The following MKRN2 variants were observed in gnomAD, a reference collection of about 807,000 sequenced individuals.
MKRN2 encodes E3 ubiquitin-protein ligase makorin-2.
A neutral mutation model predicts 45.4 loss-of-function variants in MKRN2; 32 were observed. The observed-to-expected ratio is 0.70, with a 90% CI of 0.53 to 0.95. The LOEUF (loss-of-function observed/expected upper bound fraction) is 0.95. Ranked by LOEUF, MKRN2 falls within the 40% of genes least tolerant of loss-of-function variation. The pLI is 0.00. For missense variants in MKRN2, 526 were observed against 536.7 expected (o/e 0.98, Z 0.20); for synonymous variants, 206 against 192.4 (o/e 1.07, Z -0.59).
intron 6 of MKRN2, among the ~76,000 whole-genome samples, chr3:12,580,446 C>T (rs1396668441): frequency 7.2e-6 from 1 of 138,722 alleles, no homozygotes; most frequent in East Asian, 2.2e-4. Flanking sequence ...TCCCCCCACC[C>T]TACCCCCCCG....
rs74405664 is a variant in MKRN2 at position 12,571,528 on chromosome 3, G to A, written c.338-541G>A. Among the ~76,000 whole-genome samples the A allele has an allele frequency of 7.3e-3, 1,117 of 152,274 alleles. 10 individuals are homozygous for A. Among genetic ancestry groups the A allele is most frequent in the African/African-American group, 0.026 (1,079 of 41,538 alleles). On this transcript the variant is annotated intron_variant, in intron 3 of 7. Transcript: ENST00000170447. ...CAAATGAGTAATCCTGTGAGAATAC[G>A]TGACCTCTAAACAAGCTCGGAGGTG...
rs35014192 is a variant in MKRN2, at chr3:12,581,787, CT to C, written c.969-16del. On this transcript the variant is annotated intron_variant, in intron 6 of 7. Transcript: ENST00000170447. ...CCTCATTTTCCCACCAGCCTCTTGA[CT>C]TTTTCTTTCTGCTTTTCAGGAAAAA... The C allele has an allele frequency of 1.2e-6, 2 of 1,612,868 alleles. No homozygotes were observed. Among genetic ancestry groups the C allele is most frequent in the Non-Finnish European group, 1.7e-6 (2 of 1,179,460 alleles).
rs2058200750 is a variant in MKRN2, at chr3:12,583,251, T to TGAA, written c.*1000_*1002dup. ...GTCTTGTAGTCATTTTGATTTTAAT[T>TGAA]GAAGGGTGAGCATAACCTTGTGAAC... On this transcript the variant is annotated 3_prime_UTR_variant, in exon 8 of 8. Coordinates refer to ENST00000170447, the MANE Select transcript of MKRN2 (RefSeq NM_014160.5). 2 of 152,466 alleles carry TGAA rather than the reference T, an allele frequency of 1.3e-5. No homozygotes were observed. Among genetic ancestry groups the TGAA allele is most frequent in the South Asian group, 4.1e-4 (2 of 4,830 alleles). The allele number at this position is 152,466 out of a possible 1,614,324, so 9.4% of individuals were successfully genotyped here. A position where few individuals can be genotyped will look rare whatever the true frequency, so the allele number is the denominator to read the frequency against.
rs5746252 is a variant in MKRN2, at chr3:12,583,477, T to G, written c.*1224T>G. ...AGAGTACAAAGGTTAAATTACAAAT[T>G]CATTCCCAGCCTAGGCTCTGGGCAC... On this transcript the variant is annotated 3_prime_UTR_variant, in exon 8 of 8. Coordinates refer to ENST00000170447, the MANE Select transcript of MKRN2 (RefSeq NM_014160.5). 0.015 allele frequency: 3,132 copies of G among 202,348 alleles called. 94 individuals are homozygous for G. The highest frequency in any genetic ancestry group is 0.067 in the African/African-American group (2,914 of 43,696). The allele number at this position is 202,348 out of a possible 1,614,324, so 12.5% of individuals were successfully genotyped here. A position where few individuals can be genotyped will look rare whatever the true frequency, so the allele number is the denominator to read the frequency against.
rs557967797 is a variant in MKRN2 at position 12,583,344 on chromosome 3, CAAAT to C, written c.*1101_*1104del. 73 of 159,940 alleles carry C rather than the reference CAAAT, an allele frequency of 4.6e-4. No individual in the cohort carries two copies. Among genetic ancestry groups the C allele is most frequent in the African/African-American group, 1.2e-3 (48 of 41,726 alleles). 9.9% of individuals were successfully genotyped at this position (159,940 alleles called of 1,614,324 possible). A position where few individuals can be genotyped will look rare whatever the true frequency, so the allele number is the denominator to read the frequency against. Reference sequence around the variant, plus strand: ...TTGTGTTTAAAAAAGCTGTACCTACCAAATAAATAAATAGTTTATAAAATGTATT... The same window carrying C: ...TTGTGTTTAAAAAAGCTGTACCTACCAAATAAATAGTTTATAAAATGTATT... On this transcript the variant is annotated 3_prime_UTR_variant, in exon 8 of 8. Coordinates refer to ENST00000170447, the MANE Select transcript of MKRN2 (RefSeq NM_014160.5).
rs1012768365 is a variant in MKRN2, at chr3:12,557,115, G to C, written c.-36G>C. On this transcript the variant is annotated 5_prime_UTR_variant, in exon 1 of 8. Coordinates refer to ENST00000170447, the MANE Select transcript of MKRN2 (RefSeq NM_014160.5). Reference sequence around the variant, plus strand: ...GCCGAGGCGGCAGCGGCTGCGAGAGGCGGCGGCACGACGACGGTCCCTCAG... The same window carrying C: ...GCCGAGGCGGCAGCGGCTGCGAGAGCCGGCGGCACGACGACGGTCCCTCAG... 2.0e-6 allele frequency: 3 copies of C among 1,493,312 alleles called. No individual in the cohort carries two copies. The highest frequency in any genetic ancestry group is 2.7e-6 in the Non-Finnish European group (3 of 1,124,038). The allele number at this position is 1,493,312 out of a possible 1,614,324, so 92.5% of individuals were successfully genotyped here.
chr3:12,570,050 T>C (rs772346979), intron 2 of MKRN2, 21 bp from the exon 3 acceptor site: 30 of 1,578,824 alleles, frequency 1.9e-5, no homozygotes, highest in Non-Finnish European at 2.4e-5. Flanking sequence ...CTGTAATGCA[T>C]CTGCTGTGTG....
chr3:12,565,533 T>TC (rs2058064366), intron 1 of MKRN2, among the ~76,000 whole-genome samples: 2 of 123,184 alleles, frequency 1.6e-5, no homozygotes, highest in Non-Finnish European at 3.4e-5. Flanking sequence ...CCTTTTTTTT[T>TC]TTTTTTTTTT....
Position 12,582,340 on chromosome 3 carries a change from A to G in MKRN2, c.*87A>G. Reference sequence around the variant, plus strand: ...TGCGGAGCTTCCCTGTACTGCAGCCAAGGTGACGTGTGACTTGGATTTGAG... The same window carrying G: ...TGCGGAGCTTCCCTGTACTGCAGCCGAGGTGACGTGTGACTTGGATTTGAG... On this transcript the variant is annotated 3_prime_UTR_variant, in exon 8 of 8. Transcript: ENST00000170447. 1 of 1,542,140 alleles carries G rather than the reference A, an allele frequency of 6.5e-7. No homozygotes were observed. Among genetic ancestry groups the G allele is most frequent in the Non-Finnish European group, 8.9e-7 (1 of 1,127,498 alleles).
chr3:12,570,302 T>C, intron 3 of MKRN2, 50 bp downstream of exon 3: 1 of 1,550,584 alleles, frequency 6.4e-7, no homozygotes, highest in Non-Finnish European at 8.8e-7. Flanking sequence ...GCACTCTTGT[T>C]AATGCTTGGT....
At position 12,582,216 on chromosome 3, in the gene MKRN2, T is replaced by G. The variant is rs1477039101; in HGVS notation, c.1214T>G (p.Phe405Cys). The change falls in exon 8 of 8, where the codon TTC becomes TGC. Residue 405 changes from phenylalanine to cysteine, a missense_variant. Physicochemically the swap from Phe to Cys is radical, Grantham distance 205. Coordinates refer to ENST00000170447, the MANE Select transcript of MKRN2 (RefSeq NM_014160.5). Reference protein sequence around the residue: ...DVDMTELGDLFMHLSGVESSE... With the variant: ...DVDMTELGDLCMHLSGVESSE... ...GACATGACAGAGCTCGGGGACCTCT[T>G]CATGCACCTTTCTGGAGTGGAATCA... The G allele has an allele frequency of 1.9e-6, 3 of 1,614,160 alleles. No homozygotes were observed. The highest frequency in any genetic ancestry group is 2.5e-6 in the Non-Finnish European group (3 of 1,180,028).
At chr3:12,573,549 T>TA (rs2058112792) in intron 4 of MKRN2, among the ~76,000 whole-genome samples, 1 of 151,432 alleles carries the variant, frequency 6.6e-6, no homozygotes, top group Non-Finnish European at 1.5e-5. Flanking sequence ...AAAATAATAA[T>TA]AAAAAAATTT....
chr3:12,576,231 AT>A (rs1260142123), intron 5 of MKRN2, among the ~76,000 whole-genome samples: 1 of 100,858 alleles, frequency 9.9e-6, no homozygotes, highest in Admixed American at 9.6e-5. Flanking sequence ...GTGTGTGTGT[AT>A]TTTTTTTGCT....
chr3:12,572,103 G>A lies in MKRN2; in HGVS notation c.372G>A (p.Pro124=). ...LSGMAERKTQ[P]SMVSNPGSCS... Reference sequence around the variant, plus strand: ...GCATGGCTGAAAGGAAGACCCAGCCGAGCATGGTGAGTAATCCAGGCAGCT... The same window carrying A: ...GCATGGCTGAAAGGAAGACCCAGCCAAGCATGGTGAGTAATCCAGGCAGCT... Residue 124 remains proline (P), a synonymous_variant, in exon 4 of 8, where the codon CCG becomes CCA. Transcript: ENST00000170447. 1.9e-6 allele frequency: 3 copies of A among 1,612,896 alleles called. No individual in the cohort carries two copies. The highest frequency in any genetic ancestry group is 4.5e-5 in the East Asian group (2 of 44,860).
At chr3:12,576,000 G>A (rs1007589006) in intron 5 of MKRN2, among the ~76,000 whole-genome samples, 1 of 152,146 alleles carries the variant, frequency 6.6e-6, no homozygotes, top group Non-Finnish European at 1.5e-5. Context: ...ACAGCATGTG[G>A]GCATGTGTTT....
Position 12,582,191 on chromosome 3 carries a change from G to A in MKRN2, c.1189G>A (p.Asp397Asn), listed in dbSNP as rs554403152. 6.8e-6 allele frequency: 11 copies of A among 1,614,016 alleles called. No homozygotes were observed. The highest frequency in any genetic ancestry group is 1.6e-4 in the Middle Eastern group (1 of 6,062). ...SRHVPNNEDV[D>N]MTELGDLFMH... is the part of the protein sequence containing the mutation. ...GCATGTCCCCAACAATGAAGATGTC[G>A]ACATGACAGAGCTCGGGGACCTCTT... The change falls in exon 8 of 8, where the codon GAC (aspartate) becomes AAC (asparagine). Residue 397 changes from aspartate (D) to asparagine (N), a missense_variant. Transcript: ENST00000170447.
At chr3:12,562,518 T>G (rs1168630681) in intron 1 of MKRN2, among the ~76,000 whole-genome samples, 4 of 152,200 alleles carry the variant, frequency 2.6e-5, no homozygotes, top group Non-Finnish European at 5.9e-5. Context: ...AAATAAAACT[T>G]TAACAGCCTT....
At chr3:12,574,438 G>A (rs776355034) in intron 4 of MKRN2, among the ~76,000 whole-genome samples, 15 of 152,214 alleles carry the variant, frequency 9.9e-5, no homozygotes, top group Non-Finnish European at 1.5e-4. Context: ...GCTCAGAGTC[G>A]GGGGAAACAG....
rs1278848293 is a variant in MKRN2 at position 12,582,720 on chromosome 3, T to G, written c.*467T>G. ...TTTAGTGTGTCGTCAAAATTTTGAT[T>G]TATACAGAGCTTTCAAGAACACACA... On this transcript the variant is annotated 3_prime_UTR_variant, in exon 8 of 8. Coordinates refer to ENST00000170447, the MANE Select transcript of MKRN2 (RefSeq NM_014160.5). 1 of 158,112 alleles carries G rather than the reference T, an allele frequency of 6.3e-6. No homozygotes were observed. Among genetic ancestry groups the G allele is most frequent in the Non-Finnish European group, 1.4e-5 (1 of 71,182 alleles). The allele number at this position is 158,112 out of a possible 1,614,324, so 9.8% of individuals were successfully genotyped here.
Sources: allele counts gnomAD v4.1 joint callset (sites outside exome capture counted in the v4.1 genomes callset), GRCh38; gene constraint gnomAD v4.1.1; transcripts MANE v1.5; gene names NCBI Gene and HGNC (gene_info 2026-07-23, HGNC 2026-07-21).